The following BBS7 variants were observed in gnomAD, a reference collection of about 807,000 sequenced individuals.
BBS7 encodes Bardet-Biedl syndrome 7, also known as BBSome complex member BBS7.
BBS7 carries 50 observed loss-of-function variants against 90.3 expected under a neutral mutation model. The ratio of observed to expected loss-of-function variants is 0.55; its 90% CI spans 0.44 to 0.70. The LOEUF is 0.70. Ranked by LOEUF, BBS7 falls within the 30% of genes least tolerant of loss-of-function variation. The pLI is 0.00. For synonymous variants in BBS7, 235 were observed against 287.4 expected (o/e 0.82, Z 1.85); for missense variants, 729 against 838.9 (o/e 0.87, Z 1.62).
chr4:121,848,999 C>T (rs1256591491), intron 8 of BBS7, 71 bp from the exon 9 acceptor site: 7 of 1,162,904 alleles, frequency 6.0e-6, no homozygotes, highest in African/African-American at 1.5e-5. Context: ...ATAAGCCACA[C>T]AACGTTTTCC....
chr4:121,836,019 A>G (rs1438577778), intron 13 of BBS7, among the ~76,000 whole-genome samples: 6 of 152,204 alleles, frequency 3.9e-5, no homozygotes, highest in Non-Finnish European at 5.9e-5. Flanking sequence ...ATAAAAATCT[A>G]TTGACAGAAA....
intron 15 of BBS7, among the ~76,000 whole-genome samples, chr4:121,830,933 C>T (rs2149051324): frequency 6.6e-6 from 1 of 152,306 alleles, no homozygotes; most frequent in East Asian, 1.9e-4. Context: ...AGAGGCCGGG[C>T]TTGGTGGCTC....
chr4:121,854,131 T>C (rs1433237403), intron 7 of BBS7, among the ~76,000 whole-genome samples: 2 of 152,238 alleles, frequency 1.3e-5, no homozygotes, highest in African/African-American at 2.4e-5. Flanking sequence ...CACTCTCTAA[T>C]ACACAGCCCT....
At chr4:121,858,723 A>G (rs971861029) in intron 5 of BBS7, 1 of 354,888 alleles carries the variant, frequency 2.8e-6, no homozygotes, top group African/African-American at 2.1e-5. Context: ...TCTGTAGTCA[A>G]AGTACTCCAT....
At chr4:121,864,127 AAC>A (rs1253690902) in intron 2 of BBS7, among the ~76,000 whole-genome samples, 1 of 152,204 alleles carries the variant, frequency 6.6e-6, no homozygotes, top group Non-Finnish European at 1.5e-5. Context: ...TCTGAGGTAG[AAC>A]ACAGTTTCAT....
intron 12 of BBS7, 50 bp downstream of exon 12, chr4:121,843,877 G>T: frequency 1.7e-6 from 2 of 1,200,390 alleles, no homozygotes; most frequent in Non-Finnish European, 2.4e-6. Context: ...AATCAAAATG[G>T]CATAATAGAA....
chr4:121,857,808 C>CTTT (rs5861541), intron 5 of BBS7, among the ~76,000 whole-genome samples: 2,149 of 132,322 alleles, frequency 0.016, 106 homozygotes, highest in African/African-American at 0.045. Context: ...TTTTTCTTTT[C>CTTT]TTTTTTTTTT....
chr4:121,832,895 C>A (rs990974212), intron 15 of BBS7, among the ~76,000 whole-genome samples: 1 of 151,992 alleles, frequency 6.6e-6, no homozygotes, highest in Non-Finnish European at 1.5e-5. Context: ...CTTCATGTAA[C>A]TTCTACATAT....
chr4:121,861,031 A>T (rs761792068), intron 4 of BBS7, among the ~76,000 whole-genome samples: 1 of 152,128 alleles, frequency 6.6e-6, no homozygotes, highest in Non-Finnish European at 1.5e-5. Context: ...TGATTCAAAA[A>T]CTCAAATCTG....
At chr4:121,839,446 G>T (rs1725615310) in intron 13 of BBS7, among the ~76,000 whole-genome samples, 185 bp downstream of exon 13, 1 of 152,068 alleles carries the variant, frequency 6.6e-6, no homozygotes. Context: ...TGATTAAGAA[G>T]TAATAGCAGA....
At chr4:121,839,775 G>A (rs1231395779) in intron 12 of BBS7, 79 bp from the exon 13 acceptor site, 1 of 1,255,828 alleles carries the variant, frequency 8.0e-7, no homozygotes, top group African/African-American at 1.5e-5. Flanking sequence ...AATAATAATG[G>A]TTACCATTTG....
chr4:121,835,847 T>C (rs555009059), intron 13 of BBS7, among the ~76,000 whole-genome samples: 16 of 152,272 alleles, frequency 1.1e-4, no homozygotes, highest in South Asian at 4.1e-4. Flanking sequence ...ATATTCCTTA[T>C]TCACAAATTC....
At chr4:121,837,935 T>C (rs781691199) in intron 13 of BBS7, among the ~76,000 whole-genome samples, 2 of 152,150 alleles carry the variant, frequency 1.3e-5, no homozygotes, top group Non-Finnish European at 2.9e-5. Context: ...TGAAACCCTG[T>C]CTCTACTAAA....
intron 13 of BBS7, among the ~76,000 whole-genome samples, chr4:121,838,803 G>C (rs1297309694): frequency 6.6e-6 from 1 of 151,614 alleles, no homozygotes; most frequent in Non-Finnish European, 1.5e-5. Context: ...GCTGAGGCAG[G>C]AGAATCACTT....
rs1187515191 is a variant in BBS7, at chr4:121,854,714, T to G, written c.708A>C (p.Lys236Asn). 6.2e-7 allele frequency: 1 copy of G among 1,611,756 alleles called. No individual in the cohort carries two copies. Among genetic ancestry groups the G allele is most frequent in the Admixed American group, 1.7e-5 (1 of 59,978 alleles). The change falls in exon 7 of 19, where the codon AAA becomes AAC. Residue 236 changes from lysine to asparagine, a missense_variant. Physicochemically the swap from Lys to Asn is moderately conservative, Grantham distance 94. Transcript: ENST00000264499. ...ACATGAAAAGCATACCTCCTCTCTT[T>G]TTCTCATTTTGAATTTCCCACTTGC... ...PVRKWEIQNE[K>N]KRGGILCIDS... is the part of the protein sequence containing the mutation.
At chr4:121,867,872 T>G in intron 2 of BBS7, 109 bp downstream of exon 2, 4 of 992,628 alleles carry the variant, frequency 4.0e-6, no homozygotes, top group Non-Finnish European at 6.3e-6. Flanking sequence ...TTCATTTCCA[T>G]TTTAACATTA....
chr4:121,840,091 A>T (rs1261992482), intron 12 of BBS7, among the ~76,000 whole-genome samples: 1 of 152,222 alleles, frequency 6.6e-6, no homozygotes, highest in South Asian at 2.1e-4. Flanking sequence ...TCTCATCTTG[A>T]ATTGTACTGC....
chr4:121,831,478 G>C (rs1174443620), intron 15 of BBS7, among the ~76,000 whole-genome samples: 1 of 151,308 alleles, frequency 6.6e-6, no homozygotes, highest in Non-Finnish European at 1.5e-5. Context: ...AAAAAAAGTA[G>C]CTATTAAGTT....
At chr4:121,827,940 A>G in intron 18 of BBS7, 1 of 1,359,782 alleles carries the variant, frequency 7.4e-7, no homozygotes, top group Non-Finnish European at 9.5e-7. Flanking sequence ...CATTTTATCA[A>G]GTAAAAGAAT....
Sources: gnomAD v4.1 joint callset for allele counts (sites outside exome capture counted in the v4.1 genomes callset) on GRCh38, gnomAD v4.1.1 for gene constraint, MANE v1.5 for transcripts, NCBI Gene and HGNC (gene_info 2026-07-23, HGNC 2026-07-21) for gene names.